PCNX2: variants seen among roughly 807,000 people sequenced by gnomAD.
The protein encoded by PCNX2 is pecanex-like protein 2.
In PCNX2, 168 loss-of-function variants were observed where a neutral mutation model predicts 223.8. The observed-to-expected ratio is 0.75, with a 90% confidence interval of 0.66 to 0.85. The LOEUF (loss-of-function observed/expected upper bound fraction) is 0.85. Among genes scored for constraint, PCNX2 ranks in the 40% least tolerant of loss-of-function variants. The probability of loss-of-function intolerance (pLI) is 0.00; values close to 1 mark genes in which losing one functional copy is unlikely to be tolerated. For missense variants in PCNX2, 2,507 were observed against 2,675.5 expected (o/e 0.94, Z 1.39); for synonymous variants, 1,006 against 1,052.6 (o/e 0.96, Z 0.86).
rs1183961946 is a variant in PCNX2 at position 233,093,525 on chromosome 1, T to C, written c.3946+2230A>G. On this transcript the variant is annotated intron_variant, in intron 22 of 33. Coordinates refer to ENST00000258229, the MANE Select transcript of PCNX2 (RefSeq NM_014801.4). ...CCAGGGCTGACACTTAATAACTTAA[T>C]AGCTTTGTCTGGGTGGCATGTATAT... 2.0e-5 allele frequency among the ~76,000 whole-genome samples: 3 copies of C among 152,242 alleles called. No homozygotes were observed. The South Asian group carries it at 6.2e-4, about 32-fold the overall frequency.
In PCNX2 at chr1:233,014,699, C is replaced by T; in HGVS notation, c.4918G>A (p.Ala1640Thr). Reference protein sequence around the residue: ...SFALCTLGRRALGTAAHNMAI... With the variant: ...SFALCTLGRRTLGTAAHNMAI... ...ATATTGTGAGCGGCTGTTCCCAGAG[C>T]TCTCCTCCCCAGGGTGCACAGGGCG... The change falls in exon 28 of 34, where the codon GCT (alanine) becomes ACT (threonine). Residue 1640 changes from alanine (A) to threonine (T), a missense_variant. By Grantham distance (58) the Ala-to-Thr change is moderately conservative. This residue lies in a region of PCNX2 where 1,372 missense variants were observed against 1,509.4 expected (regional missense o/e 0.91). Coordinates refer to ENST00000258229, the MANE Select transcript of PCNX2 (RefSeq NM_014801.4). The T allele has an allele frequency of 6.2e-7, 1 of 1,613,978 alleles. No homozygotes were observed. The highest frequency in any genetic ancestry group is 8.5e-7 in the Non-Finnish European group (1 of 1,179,894).
chr1:233,172,519 C>T (rs1572015968), intron 17 of PCNX2: 1 of 985,222 alleles, frequency 1.0e-6, no homozygotes, highest in East Asian at 1.1e-4. Flanking sequence ...AGCTGACTTC[C>T]TGAGGATCAT....
In PCNX2 at chr1:233,233,036, C is replaced by T. The variant is rs571665438; in HGVS notation, c.2358+3809G>A. On this transcript the variant is annotated intron_variant, in intron 9 of 33. Transcript: ENST00000258229. The stretch of plus-strand genomic sequence containing the variant: ...GGAAGCGGAAAATGCTGTATTCCTA[C>T]AGATCCTATGCTGCCCTTGGGTAGA... The T allele has an allele frequency of 1.8e-5, 18 of 985,348 alleles. No homozygotes were observed. The African/African-American group carries it at 3.0e-4, about 16-fold the overall frequency. 61.0% of individuals were successfully genotyped at this position (985,348 alleles called of 1,614,324 possible). A position where few individuals can be genotyped will look rare whatever the true frequency, so the allele number is the denominator to read the frequency against.
intron 26 of PCNX2, among the ~76,000 whole-genome samples, chr1:233,021,225 A>G (rs1331563884): frequency 6.6e-6 from 1 of 152,086 alleles, no homozygotes; most frequent in Non-Finnish European, 1.5e-5. Flanking sequence ...TGGCAGTACC[A>G]ATGTGAATTA....
intron 22 of PCNX2, among the ~76,000 whole-genome samples, chr1:233,094,054 A>G (rs1674022729): frequency 1.3e-5 from 2 of 152,206 alleles, no homozygotes; most frequent in African/African-American, 4.8e-5. Context: ...TTCCCACAAC[A>G]GTCTTAATTC....
At chr1:233,207,248 C>G (rs1681530570) in intron 13 of PCNX2, among the ~76,000 whole-genome samples, 1 of 152,080 alleles carries the variant, frequency 6.6e-6, no homozygotes, top group Admixed American at 6.6e-5. Flanking sequence ...TACACCATAC[C>G]TGGGCACTCT....
the PCNX2 span, among the ~76,000 whole-genome samples, chr1:233,315,768 C>A: frequency 1.3e-5 from 2 of 152,038 alleles, no homozygotes; most frequent in Non-Finnish European, 2.9e-5. Flanking sequence ...AAACCAATTT[C>A]TCTATGATTT....
intron 1 of PCNX2, among the ~76,000 whole-genome samples, chr1:233,270,546 G>A (rs1660588142): frequency 6.6e-6 from 1 of 152,136 alleles, no homozygotes. Flanking sequence ...GCAAATACCT[G>A]TTTAAAAATG....
intron 1 of PCNX2, chr1:233,288,808 T>A: frequency 6.0e-6 from 2 of 331,896 alleles, no homozygotes; most frequent in Non-Finnish European, 1.0e-5. Flanking sequence ...GATGCCCTTT[T>A]TTTTTTTTTT....
At chr1:233,161,706 CA>C (rs1385799311) in intron 17 of PCNX2, among the ~76,000 whole-genome samples, 1 of 152,066 alleles carries the variant, frequency 6.6e-6, no homozygotes, top group Non-Finnish European at 1.5e-5. Context: ...TGTGTTTCCA[CA>C]AACACAGATC....
chr1:233,318,563 C>CTTTTTCTTTTTTTTTTTTT, the PCNX2 span, among the ~76,000 whole-genome samples: 2 of 92,504 alleles, frequency 2.2e-5, no homozygotes, highest in Non-Finnish European at 4.2e-5. Flanking sequence ...TTTTCTTTTT[C>CTTTTTCTTTTTTTTTTTTT]TTTTTTTTTT....
At chr1:233,054,961 C>A (rs548977406) in intron 24 of PCNX2, among the ~76,000 whole-genome samples, 1 of 152,110 alleles carries the variant, frequency 6.6e-6, no homozygotes, top group Non-Finnish European at 1.5e-5. Flanking sequence ...ATATAACCAG[C>A]GCTTAGAATA....
chr1:233,215,528 A>G (rs1682071463), intron 12 of PCNX2, among the ~76,000 whole-genome samples: 1 of 152,226 alleles, frequency 6.6e-6, no homozygotes, highest in South Asian at 2.1e-4. Context: ...CCATAGTAAC[A>G]GACATTACAA....
intron 21 of PCNX2, among the ~76,000 whole-genome samples, chr1:233,106,361 T>C (rs900190485): frequency 2.0e-5 from 3 of 147,618 alleles, no homozygotes; most frequent in Admixed American, 6.8e-5. Context: ...TTTTTTTTTT[T>C]TTTTTTTTTG....
chr1:233,135,414 TG>T (rs1469274248), intron 20 of PCNX2, among the ~76,000 whole-genome samples: 1 of 152,190 alleles, frequency 6.6e-6, no homozygotes, highest in Non-Finnish European at 1.5e-5. Context: ...AGAACAAAAA[TG>T]GAAATTCAGT....
Position 233,258,393 on chromosome 1 carries a change from C to T in PCNX2, c.1469G>A (p.Trp490Ter). 6.2e-7 allele frequency: 1 copy of T among 1,613,966 alleles called. No homozygotes were observed. The highest frequency in any genetic ancestry group is 8.5e-7 in the Non-Finnish European group (1 of 1,179,890). The change falls in exon 5 of 34, where the codon TGG becomes TAG. Residue 490 changes from tryptophan to a stop codon, truncating the protein, a stop_gained. Transcript: ENST00000258229. LOFTEE classifies it high-confidence loss of function. ...AGGTGTAAGCCGGGACACCGATTCC[C>T]AGGGTTCCCGTGATGAAGAACTGTG... ...KDHSSSSREP[W>*]ESVSRLTPDT...
chr1:233,217,111 C>T (rs1283087252), intron 12 of PCNX2, among the ~76,000 whole-genome samples: 2 of 151,948 alleles, frequency 1.3e-5, no homozygotes, highest in Non-Finnish European at 2.9e-5. Context: ...TTCAGCTGGA[C>T]AGGAGGAAGG....
At chr1:233,113,691 T>C (rs1675249132) in intron 21 of PCNX2, among the ~76,000 whole-genome samples, 1 of 152,230 alleles carries the variant, frequency 6.6e-6, no homozygotes, top group African/African-American at 2.4e-5. Context: ...GTGTTCTTTG[T>C]TTTCAGGCAT....
chr1:233,100,417 CAAAAAAAA>C (rs5781726), intron 21 of PCNX2, among the ~76,000 whole-genome samples: 5 of 81,074 alleles, frequency 6.2e-5, no homozygotes, highest in African/African-American at 1.9e-4. Context: ...GATTCTGTCT[CAAAAAAAA>C]AAAAAAAAAA....
Sources: allele counts gnomAD v4.1 joint callset (sites outside exome capture counted in the v4.1 genomes callset), GRCh38; gene constraint gnomAD v4.1.1; regional missense constraint gnomAD v4.1.1; transcripts MANE v1.5; gene names NCBI Gene and HGNC (gene_info 2026-07-23, HGNC 2026-07-21).